Variants in KCNQ5 observed in about 807,000 individuals in gnomAD.
The protein encoded by KCNQ5 is potassium voltage-gated channel subfamily Q member 5, also known as potassium voltage-gated channel subfamily KQT member 5.
Under a neutral mutation model 98.2 loss-of-function variants are expected in KCNQ5, and 30 were observed. The observed-to-expected ratio is 0.31, with a 90% CI of 0.23 to 0.41. The LOEUF is 0.41. Among genes scored for constraint, KCNQ5 ranks in the 10% least tolerant of loss-of-function variants. The pLI is 1.00. For missense variants in KCNQ5, 835 were observed against 1,182.5 expected (o/e 0.71, Z 4.31); for synonymous variants, 458 against 449.4 (o/e 1.02, Z -0.24).
chr6:73,095,819 G>A (rs556910375), intron 5 of KCNQ5, among the ~76,000 whole-genome samples: 2 of 152,138 alleles, frequency 1.3e-5, no homozygotes, highest in Non-Finnish European at 2.9e-5. Context: ...TATTTAGGGT[G>A]TCTCCTAGGT....
chr6:72,632,377 G>A (rs1401186747), intron 1 of KCNQ5, among the ~76,000 whole-genome samples: 2 of 151,632 alleles, frequency 1.3e-5, no homozygotes, highest in Admixed American at 6.6e-5. Context: ...TCCTGACCTC[G>A]TGATCCGCCC....
At chr6:73,156,626 A>AAAAATG (rs201345004) in intron 10 of KCNQ5, among the ~76,000 whole-genome samples, 4 of 84,138 alleles carry the variant, frequency 4.8e-5, no homozygotes, top group Non-Finnish European at 8.7e-5. Flanking sequence ...TCCATTCAAA[A>AAAAATG]AAAACGAAAA....
intron 1 of KCNQ5, among the ~76,000 whole-genome samples, chr6:72,681,149 A>T (rs564238274): frequency 2.2e-4 from 34 of 152,354 alleles, no homozygotes; most frequent in African/African-American, 7.5e-4. Flanking sequence ...TAGAGCACGC[A>T]GATCCTGCAT....
chr6:73,148,916 CA>C (rs1777028896), intron 10 of KCNQ5, among the ~76,000 whole-genome samples: 1 of 152,098 alleles, frequency 6.6e-6, no homozygotes, highest in Non-Finnish European at 1.5e-5. Flanking sequence ...GAGAAGGGAG[CA>C]AGTAATAAAC....
At chr6:72,628,852 G>A (rs1272315893) in intron 1 of KCNQ5, among the ~76,000 whole-genome samples, 3 of 151,866 alleles carry the variant, frequency 2.0e-5, no homozygotes, top group Admixed American at 6.6e-5. Flanking sequence ...ACCTCAAGTG[G>A]TCTGCCCACC....
intron 10 of KCNQ5, among the ~76,000 whole-genome samples, chr6:73,139,601 C>T (rs1199191061): frequency 6.6e-6 from 1 of 152,104 alleles, no homozygotes; most frequent in Non-Finnish European, 1.5e-5. Flanking sequence ...TAATTTTTTT[C>T]ACTTTTCTCT....
chr6:72,665,000 C>A (rs1191348731), intron 1 of KCNQ5, among the ~76,000 whole-genome samples: 1 of 152,110 alleles, frequency 6.6e-6, no homozygotes, highest in Non-Finnish European at 1.5e-5. Flanking sequence ...TTTACAAGTA[C>A]AAATATATTT....
chr6:73,120,734 A>G (rs2150439346), intron 8 of KCNQ5, among the ~76,000 whole-genome samples, 157 bp downstream of exon 8: 1 of 152,342 alleles, frequency 6.6e-6, no homozygotes, highest in South Asian at 2.1e-4. Context: ...CAGTTCTGGC[A>G]CAAAACTAAA....
At chr6:72,887,951 A>G (rs1330611665) in intron 1 of KCNQ5, among the ~76,000 whole-genome samples, 1 of 152,204 alleles carries the variant, frequency 6.6e-6, no homozygotes, top group African/African-American at 2.4e-5. Flanking sequence ...TTAACTAACA[A>G]TATTATGTTT....
intron 4 of KCNQ5, 62 bp from the exon 5 acceptor site, chr6:73,077,700 T>C: frequency 6.7e-7 from 1 of 1,484,318 alleles, no homozygotes; most frequent in Non-Finnish European, 9.2e-7. Flanking sequence ...CCTCATAGAA[T>C]TCTTTTTTCC....
At chr6:73,003,734 A>C (rs1582173902) in intron 1 of KCNQ5, among the ~76,000 whole-genome samples, 174 bp from the exon 2 acceptor site, 1 of 152,316 alleles carries the variant, frequency 6.6e-6, no homozygotes, top group South Asian at 2.1e-4. Flanking sequence ...CCCCATTTGC[A>C]CAGTATATCA....
chr6:72,889,915 C>T (rs548847415), intron 1 of KCNQ5, among the ~76,000 whole-genome samples: 3 of 152,182 alleles, frequency 2.0e-5, no homozygotes, highest in South Asian at 4.2e-4. Flanking sequence ...TGTTTGCAGC[C>T]CTATATGCAG....
chr6:72,799,067 G>C (rs748013717), intron 1 of KCNQ5, among the ~76,000 whole-genome samples: 7 of 152,098 alleles, frequency 4.6e-5, no homozygotes, highest in Non-Finnish European at 8.8e-5. Flanking sequence ...CAACCAGTAA[G>C]ATATTTTATT....
At chr6:72,717,113 A>G (rs1319392880) in intron 1 of KCNQ5, among the ~76,000 whole-genome samples, 1 of 152,212 alleles carries the variant, frequency 6.6e-6, no homozygotes, top group Non-Finnish European at 1.5e-5. Context: ...TCACTGGCAT[A>G]ATCTGATGAG....
At chr6:73,055,194 C>T (rs1772421192) in intron 3 of KCNQ5, 9 of 953,568 alleles carry the variant, frequency 9.4e-6, no homozygotes, top group South Asian at 5.1e-5. Context: ...CTGAGCCCAG[C>T]GGGCCATGAG....
At chr6:72,943,999 A>T (rs1229312470) in intron 1 of KCNQ5, among the ~76,000 whole-genome samples, 3 of 152,252 alleles carry the variant, frequency 2.0e-5, no homozygotes, top group Admixed American at 6.5e-5. Context: ...GCCTGAATTT[A>T]TCAGAGAAAG....
intron 10 of KCNQ5, among the ~76,000 whole-genome samples, chr6:73,159,656 T>C (rs930661311): frequency 3.3e-5 from 5 of 152,252 alleles, no homozygotes; most frequent in Non-Finnish European, 7.3e-5. Context: ...GTTCATGCTT[T>C]TAATTTACAA....
chr6:72,683,709 T>C (rs1180638054), intron 1 of KCNQ5, among the ~76,000 whole-genome samples: 1 of 151,726 alleles, frequency 6.6e-6, no homozygotes, highest in African/African-American at 2.4e-5. Context: ...TAATTGTATA[T>C]GGTTTAGATG....
chr6:73,047,215 T>C (rs1772006554), intron 3 of KCNQ5, among the ~76,000 whole-genome samples: 1 of 152,222 alleles, frequency 6.6e-6, no homozygotes, highest in Non-Finnish European at 1.5e-5. Flanking sequence ...TAATTCAAGA[T>C]CTTTAAAGAA....
Sources: gnomAD v4.1 joint callset for allele counts (sites outside exome capture counted in the v4.1 genomes callset) on GRCh38, gnomAD v4.1.1 for gene constraint, MANE v1.5 for transcripts, NCBI Gene and HGNC (gene_info 2026-07-23, HGNC 2026-07-21) for gene names.